Variants in CASD1 observed in about 807,000 individuals in gnomAD.
CASD1 encodes the protein CAS1 domain sialic acid O acetyltransferase 1.
A neutral mutation model predicts 100.0 loss-of-function variants in CASD1; 41 were observed. That is an observed-to-expected ratio of 0.41 (90% CI 0.32 to 0.53). The LOEUF is 0.53. CASD1 is among the 20% of genes least tolerant of loss of function. The probability of loss-of-function intolerance (pLI) is 0.25; values close to 1 mark genes in which losing one functional copy is unlikely to be tolerated. For synonymous variants in CASD1, 321 were observed against 315.6 expected (o/e 1.02, Z -0.18); for missense variants, 774 against 948.7 (o/e 0.82, Z 2.42).
At chr7:94,588,199 T>G in the CASD1 span, 1 of 1,073,008 alleles carries the variant, frequency 9.3e-7, no homozygotes, top group African/African-American at 1.7e-5. Flanking sequence ...TCCGCCATCT[T>G]GTTGTCATTG....
At chr7:94,513,575 A>T (rs759763934) in intron 1 of CASD1, among the ~76,000 whole-genome samples, 1 of 152,186 alleles carries the variant, frequency 6.6e-6, no homozygotes, top group Non-Finnish European at 1.5e-5. Context: ...GCCTGGTTCA[A>T]ATGTCACACC....
At chr7:94,539,300 CATAAT>C (rs1180489123) in intron 10 of CASD1, among the ~76,000 whole-genome samples, 24 of 152,028 alleles carry the variant, frequency 1.6e-4, no homozygotes, top group African/African-American at 5.6e-4. Flanking sequence ...TAATTTTTAA[CATAAT>C]AGAAATAGCT....
chr7:94,545,533 C>T lies in CASD1; in HGVS notation c.1477-12C>T, dbSNP rs751066816. 1.9e-6 allele frequency: 3 copies of T among 1,590,962 alleles called. No homozygotes were observed. Among genetic ancestry groups the T allele is most frequent in the Non-Finnish European group, 1.7e-6 (2 of 1,164,098 alleles). ...ACTTAGAATGAAACCATTTTCTTCT[C>T]CTTTTCAATAGGTTTTATTTCGTCT... is the stretch of plus-strand genomic sequence containing the variant. On this transcript the variant is annotated splice_polypyrimidine_tract_variant and intron_variant, in intron 11 of 17. Transcript: ENST00000297273.
Position 94,517,562 on chromosome 7 carries a change from A to G in CASD1, c.136A>G (p.Asn46Asp). 1 of 1,605,504 alleles carries G rather than the reference A, an allele frequency of 6.2e-7. No individual in the cohort carries two copies. The highest frequency in any genetic ancestry group is 8.5e-7 in the Non-Finnish European group (1 of 1,173,716). Residue 46 changes from asparagine (N) to aspartate (D), a missense_variant and splice_region_variant, in exon 2 of 18, where the codon AAT becomes GAT. Physicochemically the swap from Asn to Asp is conservative, Grantham distance 23 (BLOSUM62 1). Transcript: ENST00000297273. The part of the protein sequence containing the change: ...CHLASRRYRG[N>D]DSCEYLLSSG... ...ACTGTTGTGTTTAACTGTTTTAGGC[A>G]ATGATTCGTGTGAATACCTTCTCTC...
chr7:94,630,968 G>A, the CASD1 span, among the ~76,000 whole-genome samples: 2 of 151,956 alleles, frequency 1.3e-5, no homozygotes, highest in African/African-American at 4.8e-5. Context: ...TGTCCCTGCA[G>A]TTCGGTGGAT....
chr7:94,596,170 T>C, the CASD1 span, among the ~76,000 whole-genome samples: 1 of 152,232 alleles, frequency 6.6e-6, no homozygotes, highest in East Asian at 1.9e-4. Flanking sequence ...AATGACAGTC[T>C]TGATGGGGTT....
At chr7:94,587,579 G>A in the CASD1 span, 2 of 1,372,864 alleles carry the variant, frequency 1.5e-6, no homozygotes, top group African/African-American at 1.5e-5. Flanking sequence ...TCTCTCTTTA[G>A]GTGACTCATT....
At chr7:94,588,484 C>A in the CASD1 span, 1 of 1,392,360 alleles carries the variant, frequency 7.2e-7, no homozygotes, top group African/African-American at 1.5e-5. Context: ...GCTCTAAGAT[C>A]ATTTACCCTG....
At chr7:94,618,314 A>G in the CASD1 span, 2 of 164,406 alleles carry the variant, frequency 1.2e-5, no homozygotes, top group African/African-American at 4.8e-5. Flanking sequence ...TGTCACAGGA[A>G]TGGGTTTCAA....
chr7:94,549,018 G>A (rs1405901359), intron 13 of CASD1, among the ~76,000 whole-genome samples: 1 of 151,880 alleles, frequency 6.6e-6, no homozygotes, highest in Non-Finnish European at 1.5e-5. Context: ...TAATTCAGAG[G>A]ACTCTTTTAA....
At chr7:94,605,261 T>C in the CASD1 span, among the ~76,000 whole-genome samples, 1 of 152,098 alleles carries the variant, frequency 6.6e-6, no homozygotes, top group Non-Finnish European at 1.5e-5. Context: ...AAAGTGAAAC[T>C]ACTTTGCAAG....
At chr7:94,588,011 T>TA in the CASD1 span, 3 of 1,396,764 alleles carry the variant, frequency 2.1e-6, no homozygotes, top group Non-Finnish European at 2.8e-6. Flanking sequence ...ACAAAGGCAT[T>TA]AATGGTTCCC....
At position 94,555,635 on chromosome 7, in the gene CASD1, T is replaced by C. The variant is rs1472070852; in HGVS notation, c.2271T>C (p.Asn757=). ...CVAHEISQIT[N]DLAQIIIPKD... ...CACATGAAATTTCTCAGATCACTAATGATCTTGCACAGATTATTATTCCTA... is the reference window on the plus strand; with the variant it reads ...CACATGAAATTTCTCAGATCACTAACGATCTTGCACAGATTATTATTCCTA... The change falls in exon 18 of 18, where the codon AAT becomes AAC. Residue 757 remains asparagine (N), a synonymous_variant. Coordinates refer to ENST00000297273, the MANE Select transcript of CASD1 (RefSeq NM_022900.5). 5.6e-6 allele frequency: 9 copies of C among 1,613,508 alleles called. No individual in the cohort carries two copies. The highest frequency in any genetic ancestry group is 1.7e-5 in the Admixed American group (1 of 59,952).
Position 94,549,446 on chromosome 7 carries a change from C to T in CASD1, c.1714-87C>T, listed in dbSNP as rs370447121. 559 of 891,242 alleles carry T rather than the reference C, an allele frequency of 6.3e-4. 2 individuals are homozygous for T. The highest frequency in any genetic ancestry group is 9.0e-4 in the Non-Finnish European group (529 of 589,196). 55.2% of individuals were successfully genotyped at this position (891,242 alleles called of 1,614,324 possible). ...GTGAATGACTCTTATATAATCCAAACTTCAGAAAACTATAATCTGTAATAG... is the reference window on the plus strand; with the variant it reads ...GTGAATGACTCTTATATAATCCAAATTTCAGAAAACTATAATCTGTAATAG... On this transcript the variant is annotated intron_variant, in intron 13 of 17. Transcript: ENST00000297273.
the CASD1 span, among the ~76,000 whole-genome samples, chr7:94,594,953 C>T: frequency 6.6e-6 from 1 of 152,074 alleles, no homozygotes; most frequent in African/African-American, 2.4e-5. Flanking sequence ...CTCCAGCTTC[C>T]CTGTCCACTG....
At chr7:94,588,839 C>A in the CASD1 span, 1 of 1,230,768 alleles carries the variant, frequency 8.1e-7, no homozygotes, top group South Asian at 1.2e-5. Flanking sequence ...TGACCCCAGT[C>A]ATGTAATCCA....
chr7:94,606,038 A>G, the CASD1 span, among the ~76,000 whole-genome samples: 1 of 152,028 alleles, frequency 6.6e-6, no homozygotes, highest in East Asian at 1.9e-4. Context: ...CATGTTGGCT[A>G]GGCTGGTCTC....
the CASD1 span, among the ~76,000 whole-genome samples, chr7:94,612,869 A>G: frequency 7.3e-5 from 11 of 151,444 alleles, no homozygotes; most frequent in Non-Finnish European, 1.3e-4. Context: ...CATCTCTTTG[A>G]CTCCTCTCCT....
chr7:94,593,014 TAGTCCCCTGAAAC>T, the CASD1 span, among the ~76,000 whole-genome samples: 2 of 152,138 alleles, frequency 1.3e-5, no homozygotes, highest in African/African-American at 4.8e-5. Context: ...ACCATAATCT[TAGTCCCCTGAAAC>T]ACTGTCTTCA....
Sources: allele counts gnomAD v4.1 joint callset (sites outside exome capture counted in the v4.1 genomes callset), GRCh38; gene constraint gnomAD v4.1.1; transcripts MANE v1.5; gene names NCBI Gene and HGNC (gene_info 2026-07-23, HGNC 2026-07-21).